Variants in MED16 observed in about 807,000 individuals in gnomAD.
The protein encoded by MED16 is mediator complex subunit 16, also known as mediator of RNA polymerase II transcription subunit 16.
Under a neutral mutation model 84.4 loss-of-function variants are expected in MED16, and 81 were observed. That is an observed-to-expected ratio of 0.96 (90% CI 0.80 to 1.15). MED16 has a LOEUF of 1.15. Ranked by LOEUF, MED16 falls within the 50% of genes most tolerant of loss-of-function variation. The pLI is 0.00. For synonymous variants in MED16, 897 were observed against 552.2 expected (o/e 1.62, Z -8.76); for missense variants, 1,585 against 1,245.9 (o/e 1.27, Z -4.10).
Position 877,262 on chromosome 19 carries a change from C to T in MED16, c.1354-82G>A, listed in dbSNP as rs1333759682. The stretch of plus-strand genomic sequence containing the variant: ...GGAGAGGAATGGGGCCCTGGGGCTG[C>T]GGCACGTGTGTGGATCTGTGTGCGC... On this transcript the variant is annotated intron_variant, in intron 8 of 15. Transcript: ENST00000325464. 11 of 1,385,962 alleles carry T rather than the reference C, an allele frequency of 7.9e-6. No individual in the cohort carries two copies. The South Asian group carries it at 8.8e-5, about 11-fold the overall frequency. The allele number at this position is 1,385,962 out of a possible 1,614,324, so 85.9% of individuals were successfully genotyped here.
At chr19:876,037 G>C (rs1344671395) in intron 9 of MED16, among the ~76,000 whole-genome samples, 1 of 152,222 alleles carries the variant, frequency 6.6e-6, no homozygotes, top group Non-Finnish European at 1.5e-5. Flanking sequence ...GCCATCACTA[G>C]CGCTGTCACT....
chr19:871,090 C>A lies in MED16; in HGVS notation c.2262G>T (p.Arg754=). 2.6e-6 allele frequency: 4 copies of A among 1,548,148 alleles called. No individual in the cohort carries two copies. Among genetic ancestry groups the A allele is most frequent in the Non-Finnish European group, 3.5e-6 (4 of 1,145,684 alleles). ...PKQPLRLQFG[R]APTLPGSAAT... is the part of the protein sequence containing the mutation. ...CAGCACTGCCAGGCAGCGTGGGCGC[C>A]CGGCCAAACTGCAGACGAAGGGGCT... The change falls in exon 13 of 16, where the codon CGG becomes CGT. Residue 754 remains arginine, a synonymous_variant. Coordinates refer to ENST00000325464, the MANE Select transcript of MED16 (RefSeq NM_005481.3).
chr19:872,752 C>A (rs970487496), intron 11 of MED16, among the ~76,000 whole-genome samples: 4 of 151,594 alleles, frequency 2.6e-5, no homozygotes, highest in Non-Finnish European at 5.9e-5. Flanking sequence ...GGCCGCCCAC[C>A]CCAGGCGCAG....
intron 11 of MED16, chr19:872,860 G>A (rs1183156199): frequency 1.8e-5 from 13 of 715,908 alleles, no homozygotes; most frequent in Non-Finnish European, 2.1e-5. Flanking sequence ...GGGCCTGGGA[G>A]GCGGGGCTTT....
At position 890,242 on chromosome 19, in the gene MED16, G is replaced by A; in HGVS notation, c.172C>T (p.Leu58=). Residue 58 remains leucine, a splice_region_variant and synonymous_variant, in exon 3 of 16, where the codon CTG becomes TTG. Transcript: ENST00000325464. Reference sequence around the variant, plus strand: ...TCCAGGATGTGGATCATGCGGGTCAGGTCTGTGGGGACGGGGCATGGTCAG... The same window carrying A: ...TCCAGGATGTGGATCATGCGGGTCAAGTCTGTGGGGACGGGGCATGGTCAG... ...TMDLRSDDQD[L]TRMIHILDTE... 1 of 1,542,058 alleles carries A rather than the reference G, an allele frequency of 6.5e-7. No individual in the cohort carries two copies. The highest frequency in any genetic ancestry group is 1.2e-5 in the South Asian group (1 of 82,814).
chr19:893,181 G>A lies in MED16; in HGVS notation c.-114C>T, dbSNP rs1269947859. Reference sequence around the variant, plus strand: ...CCGCCATCTTCCTCGGTAACAACCAGTCGCCTGAGGCGTGGGGCCGCCTCC... The same window carrying A: ...CCGCCATCTTCCTCGGTAACAACCAATCGCCTGAGGCGTGGGGCCGCCTCC... On this transcript the variant is annotated 5_prime_UTR_variant, in exon 1 of 16. Coordinates refer to ENST00000325464, the MANE Select transcript of MED16 (RefSeq NM_005481.3). The A allele has an allele frequency of 6.6e-6, 1 of 152,272 alleles. No individual in the cohort carries two copies. The highest frequency in any genetic ancestry group is 2.4e-5 in the African/African-American group (1 of 41,472). 9.4% of individuals were successfully genotyped at this position (152,272 alleles called of 1,614,324 possible).
chr19:873,977 C>T (rs565230134), intron 10 of MED16, among the ~76,000 whole-genome samples: 5 of 152,174 alleles, frequency 3.3e-5, no homozygotes, highest in Non-Finnish European at 5.9e-5. Flanking sequence ...CAGCTGGCGG[C>T]GGTTACACAC....
chr19:892,919 CCCGCGCCCCGCGCCCCGCG>C (rs1387962325), intron 1 of MED16, 148 bp downstream of exon 1: 30 of 151,094 alleles, frequency 2.0e-4, no homozygotes, highest in African/African-American at 6.8e-4. Context: ...CGCCCCGCGC[CCCGCGCCCCGCGCCCCGCG>C]CCCCAGGCCG....
intron 2 of MED16, chr19:890,498 T>G (rs2036611466): frequency 2.3e-6 from 1 of 427,396 alleles, no homozygotes. Context: ...AGTGGGAGCC[T>G]CTCCACAGCA....
chr19:890,331 G>A (rs191791821), intron 2 of MED16, 87 bp from the exon 3 acceptor site: 1 of 909,362 alleles, frequency 1.1e-6, no homozygotes, highest in Non-Finnish European at 1.6e-6. Flanking sequence ...AGGTAAGCCG[G>A]TGTGTGTCCC....
At position 882,551 on chromosome 19, in the gene MED16, A is replaced by G. The variant is rs141845969; in HGVS notation, c.986-837T>C. ...AAACAAAAAACAAAAACAGTGGCCC[A>G]GAGAGCACGTGTGGGGGGTCCTGCT... On this transcript the variant is annotated intron_variant, in intron 6 of 15. Coordinates refer to ENST00000325464, the MANE Select transcript of MED16 (RefSeq NM_005481.3). Among the ~76,000 whole-genome samples the G allele has an allele frequency of 1.8e-3, 271 of 152,314 alleles. No homozygotes were observed. The Middle Eastern group carries it at 0.02, about 11-fold the overall frequency.
chr19:882,465 A>T (rs1394717540), intron 6 of MED16, among the ~76,000 whole-genome samples: 3 of 152,228 alleles, frequency 2.0e-5, no homozygotes, highest in African/African-American at 7.2e-5. Flanking sequence ...ATGAGGCTGC[A>T]GTGAGCCAAG....
chr19:890,080 C>G lies in MED16; in HGVS notation c.277+57G>C, dbSNP rs2036603238. The G allele has an allele frequency of 2.3e-6, 3 of 1,321,074 alleles. No individual in the cohort carries two copies. The Admixed American group carries it at 6.1e-5, about 27-fold the overall frequency. The allele number at this position is 1,321,074 out of a possible 1,614,324, so 81.8% of individuals were successfully genotyped here. A position where few individuals can be genotyped will look rare whatever the true frequency, so the allele number is the denominator to read the frequency against. On this transcript the variant is annotated intron_variant, in intron 3 of 15. Coordinates refer to ENST00000325464, the MANE Select transcript of MED16 (RefSeq NM_005481.3). ...CCAGACTGACCGGAGAAACACAGGG[C>G]CCCCCTGCTCCGGGATCCGGGTCGC... is the stretch of plus-strand genomic sequence containing the variant.
In MED16 at chr19:868,912, T is replaced by G; in HGVS notation, c.2350A>C (p.Arg784=). The G allele has an allele frequency of 1.3e-6, 2 of 1,550,878 alleles. No individual in the cohort carries two copies. Among genetic ancestry groups the G allele is most frequent in the African/African-American group, 1.4e-5 (1 of 73,860 alleles). ...GTGGGGCAAGCGCCAAGGTGCAGCC[T>G]CCGCAGGTGGTCGATCTTGGGCTGG... ...PGQPKIDHLR[R]LHLGACPTEE... Residue 784 remains arginine, a synonymous_variant, in exon 14 of 16, where the codon AGG becomes CGG. Transcript: ENST00000325464.
Position 889,623 on chromosome 19 carries a change from G to A in MED16, c.447+15C>T, listed in dbSNP as rs149124128. The stretch of plus-strand genomic sequence containing the variant: ...TCTCATCTGCCTCATCCGCTCACTC[G>A]GGCAGGACACTCACCTTCTCCACGT... On this transcript the variant is annotated intron_variant, in intron 4 of 15. Coordinates refer to ENST00000325464, the MANE Select transcript of MED16 (RefSeq NM_005481.3). 123 of 1,601,128 alleles carry A rather than the reference G, an allele frequency of 7.7e-5. 1 individual carries two copies. The highest frequency in any genetic ancestry group is 3.3e-4 in the Middle Eastern group (2 of 6,026).
At chr19:873,419 G>C in intron 11 of MED16, 30 bp downstream of exon 11, 1 of 1,595,648 alleles carries the variant, frequency 6.3e-7, no homozygotes, top group Non-Finnish European at 8.5e-7. Context: ...CCAGGTGGGG[G>C]GCGGGGCCTT....
At chr19:869,467 A>C (rs939680362) in intron 13 of MED16, among the ~76,000 whole-genome samples, 1 of 152,138 alleles carries the variant, frequency 6.6e-6, no homozygotes, top group African/African-American at 2.4e-5. Flanking sequence ...TTCTGCTCTC[A>C]TTAAATATCT....
intron 4 of MED16, among the ~76,000 whole-genome samples, chr19:889,333 A>G (rs190499253): frequency 3.4e-4 from 52 of 152,260 alleles, no homozygotes; most frequent in Admixed American, 6.5e-4. Context: ...ACCTAAGGAC[A>G]GTAGCCTCCA....
In MED16 at chr19:869,287, G is replaced by C. The variant is rs117226930; in HGVS notation, c.2316-341C>G. Among the ~76,000 whole-genome samples the C allele has an allele frequency of 3.7e-3, 560 of 152,238 alleles. 2 individuals carry two copies. The highest frequency in any genetic ancestry group is 4.3e-3 in the Non-Finnish European group (290 of 68,006). The stretch of plus-strand genomic sequence containing the variant: ...GAGGTGCAGGGAAGGTGCTTGTGAC[G>C]CTCCCATTTGAGGCTGGACAGAAGC... On this transcript the variant is annotated intron_variant, in intron 13 of 15. Transcript: ENST00000325464.
Sources: allele counts gnomAD v4.1 joint callset (sites outside exome capture counted in the v4.1 genomes callset), GRCh38; gene constraint gnomAD v4.1.1; transcripts MANE v1.5; gene names NCBI Gene and HGNC (gene_info 2026-07-23, HGNC 2026-07-21).